The following SLIT1 variants were observed in gnomAD, a reference collection of about 807,000 sequenced individuals.
The protein encoded by SLIT1 is slit guidance ligand 1, also known as slit homolog 1 protein.
SLIT1 carries 66 observed loss-of-function variants against 186.1 expected under a neutral mutation model. The ratio of observed to expected loss-of-function variants is 0.35; its 90% CI spans 0.29 to 0.44. The LOEUF is 0.44. SLIT1 is among the 20% of genes least tolerant of loss of function. SLIT1 has a pLI of 1.00. For missense variants in SLIT1, 1,638 were observed against 2,037.4 expected (o/e 0.80, Z 3.77); for synonymous variants, 761 against 833.8 (o/e 0.91, Z 1.50).
intron 36 of SLIT1, 40 bp downstream of exon 36, chr10:97,002,118 G>C: frequency 7.6e-7 from 1 of 1,314,622 alleles, no homozygotes; most frequent in South Asian, 1.7e-5. Context: ...CAATTTGTGG[G>C]GGACCCTGGG....
At chr10:97,072,678 A>AGG (rs1849010763) in intron 4 of SLIT1, among the ~76,000 whole-genome samples, 1 of 152,338 alleles carries the variant, frequency 6.6e-6, no homozygotes, top group Admixed American at 6.5e-5. Flanking sequence ...TTGGGGCCCC[A>AGG]GGAGAGGCCA....
chr10:97,151,068 G>A (rs1849872228), intron 4 of SLIT1, among the ~76,000 whole-genome samples: 1 of 152,110 alleles, frequency 6.6e-6, no homozygotes, highest in African/African-American at 2.4e-5. Context: ...TCTGCTGATA[G>A]GTCAGAGGGT....
intron 4 of SLIT1, among the ~76,000 whole-genome samples, chr10:97,149,214 G>A (rs1054816171): frequency 6.6e-6 from 1 of 152,246 alleles, no homozygotes; most frequent in Admixed American, 6.5e-5. Context: ...CCGCTCTGGC[G>A]AGCAGATGTC....
chr10:97,084,178 C>G (rs866469357), intron 4 of SLIT1, among the ~76,000 whole-genome samples: 1 of 152,216 alleles, frequency 6.6e-6, no homozygotes, highest in Non-Finnish European at 1.5e-5. Context: ...GGCTCAGGAG[C>G]CTTCATCTTA....
At chr10:97,037,100 A>ATGTGTGTG (rs1284444649) in intron 22 of SLIT1, among the ~76,000 whole-genome samples, 1 of 75,460 alleles carries the variant, frequency 1.3e-5, no homozygotes, top group East Asian at 4.1e-4. Context: ...GTGTGTGTGT[A>ATGTGTGTG]TGTGTGTGTG....
chr10:97,117,996 AT>A (rs1298624369), intron 4 of SLIT1, among the ~76,000 whole-genome samples: 6 of 152,300 alleles, frequency 3.9e-5, no homozygotes, highest in African/African-American at 1.4e-4. Context: ...TGAAATCTAC[AT>A]TTTTTAATAA....
chr10:97,015,909 AAGAC>A (rs1247674771), intron 28 of SLIT1, among the ~76,000 whole-genome samples: 1 of 152,248 alleles, frequency 6.6e-6, no homozygotes, highest in African/African-American at 2.4e-5. Context: ...TTAGAAAAAA[AAGAC>A]AGGAGGGTAA....
chr10:97,125,071 T>C (rs1849592462), intron 4 of SLIT1, among the ~76,000 whole-genome samples: 1 of 152,190 alleles, frequency 6.6e-6, no homozygotes, highest in Admixed American at 6.5e-5. Context: ...GTCAAGAATG[T>C]TCAATACTGG....
chr10:97,061,810 G>A (rs1848896066), intron 8 of SLIT1, among the ~76,000 whole-genome samples: 1 of 152,216 alleles, frequency 6.6e-6, no homozygotes, highest in East Asian at 1.9e-4. Flanking sequence ...GTGGACAGAT[G>A]TTGAGCCTTA....
At chr10:97,012,778 G>T (rs1394121422) in intron 30 of SLIT1, among the ~76,000 whole-genome samples, 1 of 152,194 alleles carries the variant, frequency 6.6e-6, no homozygotes, top group East Asian at 1.9e-4. Flanking sequence ...GCCTCAGGCT[G>T]CTCCAGCTAG....
At chr10:97,059,345 T>G (rs1589378096) in intron 11 of SLIT1, 115 bp downstream of exon 11, 1 of 827,434 alleles carries the variant, frequency 1.2e-6, no homozygotes, top group Non-Finnish European at 2.0e-6. Flanking sequence ...GCAGGGGCTG[T>G]GTGGAGGGGG....
chr10:97,078,576 C>T (rs2134651833), intron 4 of SLIT1, among the ~76,000 whole-genome samples: 1 of 152,332 alleles, frequency 6.6e-6, no homozygotes, highest in South Asian at 2.1e-4. Context: ...TCAGCCCTGC[C>T]AAGGAACAGC....
intron 1 of SLIT1, among the ~76,000 whole-genome samples, chr10:97,180,122 T>C (rs1045203767): frequency 3.3e-5 from 5 of 152,174 alleles, no homozygotes; most frequent in African/African-American, 1.2e-4. Context: ...CCCCTCCCCT[T>C]GTGCTCCAGG....
At chr10:97,151,403 G>A (rs1339808627) in intron 4 of SLIT1, among the ~76,000 whole-genome samples, 2 of 151,792 alleles carry the variant, frequency 1.3e-5, no homozygotes, top group South Asian at 2.1e-4. Context: ...TGGATAGGCA[G>A]GTGGTGAGTG....
At chr10:97,082,823 G>A (rs113820456) in intron 4 of SLIT1, among the ~76,000 whole-genome samples, 59 of 152,286 alleles carry the variant, frequency 3.9e-4, no homozygotes, top group African/African-American at 1.2e-3. Flanking sequence ...TGTGTGGGAG[G>A]GGGCAGGGAG....
chr10:97,146,635 A>G (rs908498140), intron 4 of SLIT1, among the ~76,000 whole-genome samples: 2 of 150,964 alleles, frequency 1.3e-5, no homozygotes, highest in African/African-American at 4.9e-5. Flanking sequence ...AACTGCCTTC[A>G]TGTTTCTGGA....
chr10:97,079,210 G>C (rs1450968949), intron 4 of SLIT1, among the ~76,000 whole-genome samples: 2 of 152,110 alleles, frequency 1.3e-5, no homozygotes, highest in Non-Finnish European at 2.9e-5. Context: ...CTTATATAAA[G>C]CTCAAAATAG....
intron 4 of SLIT1, among the ~76,000 whole-genome samples, chr10:97,095,030 C>T (rs1432513534): frequency 1.3e-5 from 2 of 152,150 alleles, no homozygotes; most frequent in Admixed American, 6.5e-5. Context: ...TGCCTATAAT[C>T]CCAGCACTCT....
At chr10:97,005,713 C>T (rs965633074) in intron 32 of SLIT1, among the ~76,000 whole-genome samples, 3 of 152,130 alleles carry the variant, frequency 2.0e-5, no homozygotes, top group Non-Finnish European at 2.9e-5. Flanking sequence ...TGTTGTCTTG[C>T]CATGTAGACT....
Sources: gnomAD v4.1 joint callset for allele counts (sites outside exome capture counted in the v4.1 genomes callset) on GRCh38, gnomAD v4.1.1 for gene constraint, MANE v1.5 for transcripts, NCBI Gene and HGNC (gene_info 2026-07-23, HGNC 2026-07-21) for gene names.